CDKAL1: variants seen among roughly 807,000 people sequenced by gnomAD.
CDKAL1 encodes threonylcarbamoyladenosine tRNA methylthiotransferase.
A neutral mutation model predicts 68.2 loss-of-function variants in CDKAL1; 32 were observed. The ratio of observed to expected loss-of-function variants is 0.47; its 90% CI spans 0.35 to 0.63. The LOEUF (loss-of-function observed/expected upper bound fraction) is 0.63. Among genes scored for constraint, CDKAL1 ranks in the 30% least tolerant of loss-of-function variants. CDKAL1 has a pLI of 0.00. For synonymous variants in CDKAL1, 234 were observed against 244.3 expected (o/e 0.96, Z 0.39); for missense variants, 606 against 696.7 (o/e 0.87, Z 1.47).
chr6:20,779,232 T>C (rs547904883), intron 7 of CDKAL1, among the ~76,000 whole-genome samples: 1 of 152,334 alleles, frequency 6.6e-6, no homozygotes, highest in East Asian at 1.9e-4. Flanking sequence ...AGCAGTTGTT[T>C]CTTAAAATGT....
intron 4 of CDKAL1, among the ~76,000 whole-genome samples, chr6:20,631,034 G>C (rs185055340): frequency 1.3e-5 from 2 of 152,274 alleles, no homozygotes; most frequent in Non-Finnish European, 2.9e-5. Flanking sequence ...TGATTTGTAG[G>C]CAAATTCCCT....
intron 12 of CDKAL1, among the ~76,000 whole-genome samples, chr6:21,075,115 GTACAA>G (rs10541646): frequency 0.21 from 31,174 of 150,038 alleles, 3,314 homozygotes; most frequent in East Asian, 0.31. Context: ...TAGAAGAAGA[GTACAA>G]TACAATACCA....
intron 13 of CDKAL1, among the ~76,000 whole-genome samples, chr6:21,120,505 C>A (rs1456079066): frequency 2.6e-5 from 4 of 152,154 alleles, no homozygotes; most frequent in Admixed American, 6.5e-5. Flanking sequence ...GCACTTAATA[C>A]CCTATTCAAG....
intron 12 of CDKAL1, among the ~76,000 whole-genome samples, chr6:21,088,948 TAAATA>T (rs1251795737): frequency 6.6e-6 from 1 of 151,788 alleles, no homozygotes; most frequent in African/African-American, 2.4e-5. Context: ...TCTCAAAAAA[TAAATA>T]AAATAAAATT....
intron 5 of CDKAL1, 32 bp downstream of exon 5, chr6:20,649,409 AT>A (rs1343051860): frequency 3.3e-6 from 4 of 1,223,314 alleles, no homozygotes; most frequent in Non-Finnish European, 4.7e-6. Flanking sequence ...CCTATTTTGT[AT>A]AATCAAAGTA....
chr6:20,947,315 G>A (rs114255436), intron 9 of CDKAL1, among the ~76,000 whole-genome samples: 2,783 of 152,284 alleles, frequency 0.018, 85 homozygotes, highest in African/African-American at 0.063. Flanking sequence ...TAAAGGCCAG[G>A]CTCATTGGCT....
rs115072123 is a variant in CDKAL1 at position 20,990,476 on chromosome 6, C to T, written c.910-9751C>T. On this transcript the variant is annotated intron_variant, in intron 10 of 15. Coordinates refer to ENST00000274695, the MANE Select transcript of CDKAL1 (RefSeq NM_017774.3). ...GCTAATTACAACAGATGTTTTGTCT[C>T]AACCTGTTTTAGCACAAATACTGAA... is the stretch of plus-strand genomic sequence containing the variant. Among the ~76,000 whole-genome samples, 961 of 152,290 alleles carry T rather than the reference C, an allele frequency of 6.3e-3. 7 individuals carry two copies. The highest frequency in any genetic ancestry group is 0.022 in the African/African-American group (906 of 41,566).
At chr6:20,672,810 T>A (rs1371816281) in intron 5 of CDKAL1, among the ~76,000 whole-genome samples, 1 of 152,184 alleles carries the variant, frequency 6.6e-6, no homozygotes, top group East Asian at 1.9e-4. Flanking sequence ...AGAGTTTCAC[T>A]CTGTTGCCCA....
intron 9 of CDKAL1, among the ~76,000 whole-genome samples, chr6:20,859,286 TA>T (rs1203898999): frequency 6.7e-6 from 1 of 149,618 alleles, no homozygotes; most frequent in Non-Finnish European, 1.5e-5. Context: ...TCAGAAAAAA[TA>T]AAAAACTTAA....
intron 13 of CDKAL1, among the ~76,000 whole-genome samples, chr6:21,132,970 A>G: frequency 6.6e-6 from 1 of 152,130 alleles, no homozygotes; most frequent in Non-Finnish European, 1.5e-5. Flanking sequence ...TTGTGTTTCT[A>G]TAGTTATTTT....
At chr6:21,126,073 T>C (rs1774996790) in intron 13 of CDKAL1, among the ~76,000 whole-genome samples, 2 of 152,242 alleles carry the variant, frequency 1.3e-5, no homozygotes, top group South Asian at 2.1e-4. Flanking sequence ...ACAGGTGCTC[T>C]AGTATATGTT....
chr6:20,776,263 A>G (rs770834175), intron 7 of CDKAL1, among the ~76,000 whole-genome samples: 3 of 152,222 alleles, frequency 2.0e-5, no homozygotes, highest in African/African-American at 7.2e-5. Context: ...TTGAAGAACT[A>G]TTATGTTAGC....
intron 6 of CDKAL1, among the ~76,000 whole-genome samples, chr6:20,745,352 C>G (rs1265914966): frequency 6.6e-6 from 1 of 152,174 alleles, no homozygotes; most frequent in Non-Finnish European, 1.5e-5. Flanking sequence ...GGAGCAGTGT[C>G]ACAGTAACAG....
At chr6:21,049,262 G>A (rs1179278376) in intron 11 of CDKAL1, among the ~76,000 whole-genome samples, 1 of 151,928 alleles carries the variant, frequency 6.6e-6, no homozygotes, top group Non-Finnish European at 1.5e-5. Flanking sequence ...ATCTCTAAAT[G>A]GAATTCAGAC....
At chr6:20,822,250 A>G (rs941531993) in intron 8 of CDKAL1, among the ~76,000 whole-genome samples, 2 of 152,200 alleles carry the variant, frequency 1.3e-5, no homozygotes. Context: ...TAATGAAGTA[A>G]TGTTGATGAA....
intron 5 of CDKAL1, among the ~76,000 whole-genome samples, chr6:20,688,948 T>G (rs1206894733): frequency 6.6e-6 from 1 of 152,220 alleles, no homozygotes; most frequent in East Asian, 1.9e-4. Flanking sequence ...TTAGTAAGCC[T>G]GTGCTTACTG....
intron 5 of CDKAL1, among the ~76,000 whole-genome samples, chr6:20,729,940 A>G (rs1311396844): frequency 6.6e-6 from 1 of 152,218 alleles, no homozygotes; most frequent in East Asian, 1.9e-4. Flanking sequence ...CTTGTGGACT[A>G]AAATACGCCA....
intron 4 of CDKAL1, among the ~76,000 whole-genome samples, chr6:20,553,633 C>T (rs564072580): frequency 3.9e-5 from 6 of 152,278 alleles, no homozygotes; most frequent in South Asian, 4.1e-4. Flanking sequence ...TTTTTTGTTA[C>T]GTAGTCTCAC....
At chr6:21,040,368 C>G (rs1440375157) in intron 11 of CDKAL1, among the ~76,000 whole-genome samples, 2 of 152,026 alleles carry the variant, frequency 1.3e-5, no homozygotes, top group South Asian at 2.1e-4. Flanking sequence ...GTCTTGTACC[C>G]CTATGATAAA....
Sources: gnomAD v4.1 joint callset for allele counts (sites outside exome capture counted in the v4.1 genomes callset) on GRCh38, gnomAD v4.1.1 for gene constraint, MANE v1.5 for transcripts, NCBI Gene and HGNC (gene_info 2026-07-23, HGNC 2026-07-21) for gene names.